Variants in ADK observed in about 807,000 individuals in gnomAD.
ADK encodes N6,N6-dimethyladenosine kinase.
ADK carries 24 observed loss-of-function variants against 44.7 expected under a neutral mutation model. The observed-to-expected ratio is 0.54, with a 90% confidence interval of 0.39 to 0.76. ADK has a LOEUF of 0.76. ADK is among the 30% of genes least tolerant of loss of function. The pLI is 0.00. For synonymous variants in ADK, 128 were observed against 142.6 expected (o/e 0.90, Z 0.73); for missense variants, 321 against 425.1 (o/e 0.76, Z 2.15).
At chr10:74,396,610 G>A (rs1375351052) in intron 5 of ADK, among the ~76,000 whole-genome samples, 1 of 152,098 alleles carries the variant, frequency 6.6e-6, no homozygotes, top group African/African-American at 2.4e-5. Context: ...CTTGATCCAG[G>A]TTCTTCCTCT....
intron 10 of ADK, among the ~76,000 whole-genome samples, chr10:74,702,215 T>G: frequency 6.8e-6 from 1 of 147,180 alleles, no homozygotes; most frequent in Admixed American, 6.9e-5. Flanking sequence ...TGAGATGGAG[T>G]CTCTGTCGCC....
At chr10:74,401,737 T>A (rs912452788) in intron 6 of ADK, among the ~76,000 whole-genome samples, 14 of 152,238 alleles carry the variant, frequency 9.2e-5, no homozygotes, top group Non-Finnish European at 1.6e-4. Flanking sequence ...TTAGCCCATT[T>A]ACATTTAAGG....
intron 4 of ADK, among the ~76,000 whole-genome samples, chr10:74,366,136 G>A (rs921872714): frequency 3.3e-5 from 5 of 152,098 alleles, no homozygotes; most frequent in Admixed American, 6.5e-5. Context: ...GATTATCAAA[G>A]CAGAGCCATA....
At chr10:74,170,799 C>CAA (rs938297412) in intron 1 of ADK, among the ~76,000 whole-genome samples, 4 of 52,798 alleles carry the variant, frequency 7.6e-5, no homozygotes, top group Non-Finnish European at 1.2e-4. Flanking sequence ...GACTCCATCT[C>CAA]AAAAAAAAAA....
intron 9 of ADK, 90 bp from the exon 10 acceptor site, chr10:74,670,093 G>A: frequency 1.0e-6 from 1 of 987,158 alleles, no homozygotes; most frequent in Non-Finnish European, 1.6e-6. Flanking sequence ...TGAATGATGA[G>A]TGATGAAGGA....
At chr10:74,226,805 G>C (rs1056811795) in intron 3 of ADK, among the ~76,000 whole-genome samples, 5 of 151,954 alleles carry the variant, frequency 3.3e-5, no homozygotes, top group African/African-American at 1.2e-4. Context: ...TTAACATTCT[G>C]TTGTTTATTT....
chr10:74,155,323 A>G (rs2132026392), intron 1 of ADK, among the ~76,000 whole-genome samples: 1 of 152,194 alleles, frequency 6.6e-6, no homozygotes, highest in East Asian at 1.9e-4. Flanking sequence ...GAATCTTTAA[A>G]AAAAACGAAA....
chr10:74,244,476 C>T (rs1002207209), intron 3 of ADK, among the ~76,000 whole-genome samples: 5 of 151,936 alleles, frequency 3.3e-5, no homozygotes, highest in African/African-American at 9.7e-5. Flanking sequence ...AGATGAATTC[C>T]CAGAGTTAAT....
chr10:74,445,857 G>A (rs1845570961), intron 6 of ADK, among the ~76,000 whole-genome samples: 1 of 151,970 alleles, frequency 6.6e-6, no homozygotes, highest in South Asian at 2.1e-4. Context: ...CCTTTGAAAA[G>A]AATTGCTGTT....
intron 9 of ADK, chr10:74,655,835 A>G (rs1486596292): frequency 1.9e-6 from 1 of 526,298 alleles, no homozygotes; most frequent in Non-Finnish European, 3.7e-6. Flanking sequence ...GAGAGGTGGT[A>G]CTCATCAAGC....
chr10:74,382,475 C>A (rs749243347), intron 4 of ADK, among the ~76,000 whole-genome samples: 1 of 152,108 alleles, frequency 6.6e-6, no homozygotes, highest in Non-Finnish European at 1.5e-5. Flanking sequence ...ATTTTATATA[C>A]AGCCTATTCT....
At chr10:74,461,623 A>G (rs1846175185) in intron 6 of ADK, among the ~76,000 whole-genome samples, 1 of 152,076 alleles carries the variant, frequency 6.6e-6, no homozygotes, top group Non-Finnish European at 1.5e-5. Flanking sequence ...TTTGGAATTC[A>G]TACATTTTGT....
chr10:74,289,399 T>C (rs947718372), intron 3 of ADK, among the ~76,000 whole-genome samples: 3 of 152,150 alleles, frequency 2.0e-5, no homozygotes, highest in African/African-American at 7.2e-5. Flanking sequence ...GTAGGTACTC[T>C]GCTGAATTGG....
intron 1 of ADK, among the ~76,000 whole-genome samples, chr10:74,160,691 G>T (rs1433316531): frequency 1.7e-5 from 2 of 119,866 alleles, no homozygotes; most frequent in African/African-American, 6.9e-5. Context: ...GCAGGTAGGG[G>T]TGTGTGTGTG....
intron 4 of ADK, among the ~76,000 whole-genome samples, chr10:74,363,736 A>G (rs1192383671): frequency 6.6e-6 from 1 of 152,130 alleles, no homozygotes; most frequent in African/African-American, 2.4e-5. Flanking sequence ...TTGCCCGGAC[A>G]GATACCCCTC....
rs112221184 is a variant in ADK, at chr10:74,427,053, A to G, written c.555+28474A>G. Among the ~76,000 whole-genome samples the G allele has an allele frequency of 5.0e-3, 766 of 152,288 alleles. 12 individuals carry two copies. The highest frequency in any genetic ancestry group is 0.017 in the African/African-American group (716 of 41,560). On this transcript the variant is annotated intron_variant, in intron 6 of 10. Coordinates refer to ENST00000539909, the MANE Select transcript of ADK (RefSeq NM_006721.4). Reference sequence around the variant, plus strand: ...AAATGAATACTATATCCATACCGAAAGGGGATAAAGAAGAAAGAAATGAAG... The same window carrying G: ...AAATGAATACTATATCCATACCGAAGGGGGATAAAGAAGAAAGAAATGAAG...
chr10:74,346,271 A>C (rs1419600789), intron 4 of ADK, among the ~76,000 whole-genome samples: 2 of 151,768 alleles, frequency 1.3e-5, no homozygotes, highest in Non-Finnish European at 2.9e-5. Context: ...TCACCAAAAA[A>C]AGTAGTGATT....
intron 1 of ADK, among the ~76,000 whole-genome samples, chr10:74,185,884 G>A (rs1842739657): frequency 6.9e-6 from 1 of 144,608 alleles, no homozygotes; most frequent in African/African-American, 2.5e-5. Flanking sequence ...TCCTCCCTCT[G>A]TTGCCCAGGC....
intron 2 of ADK, among the ~76,000 whole-genome samples, chr10:74,223,309 A>G (rs527665843): frequency 6.6e-6 from 1 of 152,238 alleles, no homozygotes; most frequent in South Asian, 2.1e-4. Flanking sequence ...CCATTAATCC[A>G]TGAATGGATT....
Sources: gnomAD v4.1 joint callset for allele counts (sites outside exome capture counted in the v4.1 genomes callset) on GRCh38, gnomAD v4.1.1 for gene constraint, MANE v1.5 for transcripts, NCBI Gene and HGNC (gene_info 2026-07-23, HGNC 2026-07-21) for gene names.